Variants in GRAMD4 observed in about 807,000 individuals in gnomAD.
GRAMD4 encodes GRAM domain-containing protein 4.
A neutral mutation model predicts 83.9 loss-of-function variants in GRAMD4; 25 were observed. That is an observed-to-expected ratio of 0.30 (90% CI 0.22 to 0.42). The LOEUF is 0.42. Ranked by LOEUF, GRAMD4 falls within the 10% of genes least tolerant of loss-of-function variation. GRAMD4 has a pLI of 1.00. For synonymous variants in GRAMD4, 336 were observed against 320.9 expected (o/e 1.05, Z -0.50); for missense variants, 593 against 788.7 (o/e 0.75, Z 2.97).
chr22:46,583,373 T>C (rs2081116689), intron 1 of GRAMD4, among the ~76,000 whole-genome samples: 1 of 152,272 alleles, frequency 6.6e-6, no homozygotes, highest in South Asian at 2.1e-4. Context: ...CATGGACTAA[T>C]ATTGATACAT....
Position 46,658,208 on chromosome 22 carries a change from G to T in GRAMD4, c.305G>T (p.Arg102Leu). Reference protein sequence around the residue: ...HFLQEELRKLREETNAEMLRQ... With the variant: ...HFLQEELRKLLEETNAEMLRQ... ...ATAGAGGAGGAGCTCCGGAAGCTGCGAGAAGAAACCAACGCGGAGATGCTG... is the reference window on the plus strand; with the variant it reads ...ATAGAGGAGGAGCTCCGGAAGCTGCTAGAAGAAACCAACGCGGAGATGCTG... Residue 102 changes from arginine (R) to leucine (L), a missense_variant, in exon 4 of 19, where the codon CGA (arginine) becomes CTA (leucine). Physicochemically the swap from Arg to Leu is moderately radical, Grantham distance 102. Transcript: ENST00000406902. 1 of 1,613,780 alleles carries T rather than the reference G, an allele frequency of 6.2e-7. No homozygotes were observed. The highest frequency in any genetic ancestry group is 8.5e-7 in the Non-Finnish European group (1 of 1,179,950).
intron 3 of GRAMD4, among the ~76,000 whole-genome samples, chr22:46,639,880 G>A (rs1279328051): frequency 6.6e-6 from 1 of 152,196 alleles, no homozygotes; most frequent in East Asian, 1.9e-4. Flanking sequence ...CTTGGGCAGA[G>A]AGGGGCTGGC....
chr22:46,666,506 G>A (rs892500043), intron 9 of GRAMD4, among the ~76,000 whole-genome samples: 1 of 150,182 alleles, frequency 6.7e-6, no homozygotes, highest in African/African-American at 2.4e-5. Flanking sequence ...GGTACCCAGA[G>A]CTAGGTCAGG....
At chr22:46,607,204 A>AAGG (rs1569256660) in intron 1 of GRAMD4, among the ~76,000 whole-genome samples, 2 of 146,158 alleles carry the variant, frequency 1.4e-5, no homozygotes, top group African/African-American at 5.6e-5. Context: ...TGTCTTTAAA[A>AAGG]AGGGGGGGGT....
At chr22:46,676,455 T>A in intron 17 of GRAMD4, 145 bp from the exon 18 acceptor site, 2 of 667,682 alleles carry the variant, frequency 3.0e-6, no homozygotes, top group Non-Finnish European at 5.3e-6. Flanking sequence ...CACAGGCCCT[T>A]ACCTTCTGTT....
chr22:46,651,847 T>C (rs932251253), intron 3 of GRAMD4, among the ~76,000 whole-genome samples: 2 of 150,926 alleles, frequency 1.3e-5, no homozygotes, highest in Non-Finnish European at 3.0e-5. Context: ...GAGCTGGAGG[T>C]GGGGGGGAGA....
intron 1 of GRAMD4, among the ~76,000 whole-genome samples, chr22:46,586,902 C>G (rs1569245551): frequency 6.6e-6 from 1 of 152,174 alleles, no homozygotes. Context: ...GTGTGTAGAC[C>G]TTGGCCCCTG....
rs2147383102 is a variant in GRAMD4 at position 46,668,991 on chromosome 22, C to T, written c.1084+83C>T. The T allele has an allele frequency of 5.1e-6, 4 of 787,842 alleles. No individual in the cohort carries two copies. The South Asian group carries it at 5.8e-5, about 11-fold the overall frequency. 48.8% of individuals were successfully genotyped at this position (787,842 alleles called of 1,614,324 possible). ...GCCACCAGTGTCTGCCAGGTGTCTG[C>T]AAGAGCTGTTAAACTCACCTGGCGA... On this transcript the variant is annotated intron_variant, in intron 13 of 18. Transcript: ENST00000406902.
intron 3 of GRAMD4, among the ~76,000 whole-genome samples, chr22:46,655,987 G>A (rs1028224706): frequency 6.6e-6 from 1 of 152,276 alleles, no homozygotes; most frequent in South Asian, 2.1e-4. Flanking sequence ...GGGGCGGGGA[G>A]GGGGAGCTCT....
intron 1 of GRAMD4, among the ~76,000 whole-genome samples, chr22:46,595,494 G>A (rs1413469505): frequency 6.6e-6 from 1 of 152,254 alleles, no homozygotes; most frequent in East Asian, 1.9e-4. Flanking sequence ...GGGCCTGGTG[G>A]TCAGTATGGG....
At chr22:46,666,604 T>A (rs2082412617) in intron 9 of GRAMD4, among the ~76,000 whole-genome samples, 1 of 152,126 alleles carries the variant, frequency 6.6e-6, no homozygotes, top group Non-Finnish European at 1.5e-5. Flanking sequence ...ATGTCCCCTC[T>A]GCCCAGAAGG....
rs1185866944 is a variant in GRAMD4, at chr22:46,661,545, TC to T, written c.466+108del. 9.7e-6 allele frequency: 8 copies of T among 822,024 alleles called. No individual in the cohort carries two copies. In the Admixed American group the frequency reaches 1.0e-4, roughly 11 times the overall value. The allele number at this position is 822,024 out of a possible 1,614,324, so 50.9% of individuals were successfully genotyped here. A position where few individuals can be genotyped will look rare whatever the true frequency, so the allele number is the denominator to read the frequency against. ...GGTTAACAATGGAGCAGATACCCCCTCCCCCAGCAGGTGGGCAGGCGGCAGG... is the reference window on the plus strand; with the variant it reads ...GGTTAACAATGGAGCAGATACCCCCTCCCCAGCAGGTGGGCAGGCGGCAGG... On this transcript the variant is annotated intron_variant, in intron 5 of 18. Coordinates refer to ENST00000406902, the MANE Select transcript of GRAMD4 (RefSeq NM_015124.5).
intron 3 of GRAMD4, among the ~76,000 whole-genome samples, chr22:46,643,178 T>C (rs2082010896): frequency 7.2e-6 from 1 of 138,954 alleles, no homozygotes; most frequent in Non-Finnish European, 1.6e-5. Flanking sequence ...CATCCATCCA[T>C]CCATCCATCC....
At position 46,674,327 on chromosome 22, in the gene GRAMD4, C is replaced by T. The variant is rs2748340; in HGVS notation, c.1385-330C>T. On this transcript the variant is annotated intron_variant, in intron 15 of 18. Transcript: ENST00000406902. ...CGTCCTCTGCTGAGCCCTGGCCCTG[C>T]CGGTCTTGGTGGAGGTGGTGTCCCA... Among the ~76,000 whole-genome samples, 720 of 152,226 alleles carry T rather than the reference C, an allele frequency of 4.7e-3. 6 individuals carry two copies. Among genetic ancestry groups the T allele is most frequent in the African/African-American group, 0.016 (684 of 41,556 alleles).
Position 46,678,632 on chromosome 22 carries a change from T to C in GRAMD4, c.*1381T>C, listed in dbSNP as rs922658544. On this transcript the variant is annotated 3_prime_UTR_variant, in exon 19 of 19. Coordinates refer to ENST00000406902, the MANE Select transcript of GRAMD4 (RefSeq NM_015124.5). ...AGTCCCTTGGGTGTCGTTGAGATTG[T>C]TGTTTTTTGAAGAAACAGAAGATTC... 7.1e-6 allele frequency: 7 copies of C among 985,448 alleles called. No individual in the cohort carries two copies. Among genetic ancestry groups the C allele is most frequent in the African/African-American group, 7.0e-5 (4 of 57,256 alleles). The allele number at this position is 985,448 out of a possible 1,614,324, so 61.0% of individuals were successfully genotyped here.
At chr22:46,599,983 T>C (rs995868880) in intron 1 of GRAMD4, among the ~76,000 whole-genome samples, 2 of 152,210 alleles carry the variant, frequency 1.3e-5, no homozygotes, top group African/African-American at 4.8e-5. Flanking sequence ...GTCGAGTGGC[T>C]GACTGTGAAT....
intron 14 of GRAMD4, among the ~76,000 whole-genome samples, 182 bp from the exon 15 acceptor site, chr22:46,673,488 C>T (rs1245776809): frequency 1.3e-5 from 2 of 152,242 alleles, no homozygotes; most frequent in Non-Finnish European, 2.9e-5. Context: ...TTGCTGGGCT[C>T]TCCCCACTGA....
intron 1 of GRAMD4, among the ~76,000 whole-genome samples, chr22:46,607,539 TG>T (rs2147077428): frequency 6.6e-6 from 1 of 152,222 alleles, no homozygotes; most frequent in Admixed American, 6.5e-5. Flanking sequence ...ACCATTAACG[TG>T]GGGGTGCCAG....
chr22:46,679,147 C>A lies in GRAMD4; in HGVS notation c.*1896C>A. The A allele has an allele frequency of 1.0e-6, 1 of 985,502 alleles. No homozygotes were observed. Among genetic ancestry groups the A allele is most frequent in the Non-Finnish European group, 1.2e-6 (1 of 829,964 alleles). 61.0% of individuals were successfully genotyped at this position (985,502 alleles called of 1,614,324 possible). ...CCGCAGACAATGGCCACACCTCTCT[C>A]CCCAGGGCCCGGCAGTGCCCAAGGA... On this transcript the variant is annotated 3_prime_UTR_variant, in exon 19 of 19. Transcript: ENST00000406902.
Sources: gnomAD v4.1 joint callset for allele counts (sites outside exome capture counted in the v4.1 genomes callset) on GRCh38, gnomAD v4.1.1 for gene constraint, MANE v1.5 for transcripts, NCBI Gene and HGNC (gene_info 2026-07-23, HGNC 2026-07-21) for gene names.